The following NAALADL2 variants were observed in gnomAD, a reference collection of about 807,000 sequenced individuals.
NAALADL2 encodes the protein N-acetylated alpha-linked acidic dipeptidase like 2.
In NAALADL2, 76 loss-of-function variants were observed where a neutral mutation model predicts 87.2. The observed-to-expected ratio is 0.87, with a 90% confidence interval of 0.72 to 1.05. The LOEUF (loss-of-function observed/expected upper bound fraction) is 1.05. NAALADL2 is among the 50% of genes least tolerant of loss of function. The pLI is 0.00. For synonymous variants in NAALADL2, 354 were observed against 331.0 expected (o/e 1.07, Z -0.75); for missense variants, 1,089 against 945.8 (o/e 1.15, Z -1.99).
chr3:175,468,599 C>G (rs1347055728), intron 8 of NAALADL2, among the ~76,000 whole-genome samples: 2 of 151,798 alleles, frequency 1.3e-5, no homozygotes, highest in East Asian at 3.9e-4. Context: ...ATGTATTTTG[C>G]TATTTCAAAC....
intron 3 of NAALADL2, among the ~76,000 whole-genome samples, chr3:174,766,996 C>T (rs1474950886): frequency 6.6e-6 from 1 of 152,122 alleles, no homozygotes; most frequent in Admixed American, 6.5e-5. Flanking sequence ...AATGGCACTG[C>T]CTAGAATTGT....
chr3:175,206,978 G>A (rs567953687), intron 2 of NAALADL2, among the ~76,000 whole-genome samples: 1 of 152,208 alleles, frequency 6.6e-6, no homozygotes, highest in Non-Finnish European at 1.5e-5. Context: ...ATGTCACACT[G>A]GATGCTCACA....
At chr3:175,651,846 A>C (rs1337531766) in intron 11 of NAALADL2, among the ~76,000 whole-genome samples, 1 of 152,220 alleles carries the variant, frequency 6.6e-6, no homozygotes, top group Non-Finnish European at 1.5e-5. Context: ...TGTGCCAGTC[A>C]TTTTCTGGCC....
intron 1 of NAALADL2, among the ~76,000 whole-genome samples, chr3:174,967,782 GC>G (rs1185085702): frequency 6.6e-6 from 1 of 152,162 alleles, no homozygotes; most frequent in Non-Finnish European, 1.5e-5. Flanking sequence ...AGAAAGATAA[GC>G]AGAGAAGCCT....
At chr3:174,870,248 A>G (rs1025179266) in intron 1 of NAALADL2, among the ~76,000 whole-genome samples, 1 of 152,142 alleles carries the variant, frequency 6.6e-6, no homozygotes, top group Non-Finnish European at 1.5e-5. Flanking sequence ...CCACTGGACT[A>G]TAGCAGAACT....
chr3:175,552,081 T>C (rs1714493463), intron 9 of NAALADL2, among the ~76,000 whole-genome samples: 1 of 152,138 alleles, frequency 6.6e-6, no homozygotes. Context: ...AATATGTAAG[T>C]ATGTAAAGCC....
intron 1 of NAALADL2, among the ~76,000 whole-genome samples, chr3:174,510,948 T>C (rs1260327441): frequency 6.6e-6 from 1 of 152,050 alleles, no homozygotes; most frequent in Non-Finnish European, 1.5e-5. Context: ...ATAATTCTGT[T>C]GATCCATGTG....
intron 1 of NAALADL2, among the ~76,000 whole-genome samples, chr3:174,912,613 C>T (rs182188944): frequency 1.7e-4 from 26 of 152,248 alleles, no homozygotes; most frequent in African/African-American, 6.3e-4. Context: ...CTTTCGCAGC[C>T]TTTTTCCCCT....
chr3:174,900,692 GAAAA>G (rs567006020), intron 1 of NAALADL2, among the ~76,000 whole-genome samples: 3 of 150,234 alleles, frequency 2.0e-5, no homozygotes, highest in Admixed American at 6.6e-5. Context: ...TCAAACCTCA[GAAAA>G]AAAACATAAA....
intron 11 of NAALADL2, among the ~76,000 whole-genome samples, chr3:175,649,667 G>A (rs1014412833): frequency 1.3e-5 from 2 of 151,994 alleles, no homozygotes; most frequent in Non-Finnish European, 2.9e-5. Flanking sequence ...CAAGCTCTCT[G>A]GTATCTCTTC....
chr3:175,261,952 G>A (rs1751117312), intron 4 of NAALADL2, among the ~76,000 whole-genome samples: 1 of 152,006 alleles, frequency 6.6e-6, no homozygotes, highest in Non-Finnish European at 1.5e-5. Flanking sequence ...TGAGAGATAG[G>A]AAATGAGAAT....
At chr3:174,631,605 T>C (rs1187892653) in intron 2 of NAALADL2, among the ~76,000 whole-genome samples, 1 of 152,194 alleles carries the variant, frequency 6.6e-6, no homozygotes, top group Non-Finnish European at 1.5e-5. Flanking sequence ...ATTTTCCAAA[T>C]GGACAAGACA....
intron 2 of NAALADL2, among the ~76,000 whole-genome samples, chr3:174,627,177 G>T (rs1286430533): frequency 2.0e-5 from 3 of 152,088 alleles, no homozygotes; most frequent in Non-Finnish European, 4.4e-5. Context: ...TAATGGAGCA[G>T]TGAATAAATT....
intron 11 of NAALADL2, among the ~76,000 whole-genome samples, chr3:175,695,982 G>A (rs1737748033): frequency 1.3e-5 from 2 of 152,064 alleles, no homozygotes; most frequent in Non-Finnish European, 2.9e-5. Context: ...GAAAACAAAT[G>A]GCATTGTGCT....
chr3:175,605,564 G>A (rs370504715), intron 10 of NAALADL2, among the ~76,000 whole-genome samples: 16 of 151,090 alleles, frequency 1.1e-4, no homozygotes, highest in African/African-American at 3.9e-4. Flanking sequence ...TTCAATGTAA[G>A]CATATGTTTT....
At chr3:174,497,521 T>C (rs376770520) in intron 1 of NAALADL2, among the ~76,000 whole-genome samples, 4 of 152,290 alleles carry the variant, frequency 2.6e-5, no homozygotes, top group African/African-American at 9.6e-5. Flanking sequence ...TTGTATTTCT[T>C]GCCCCAGATT....
chr3:175,206,668 A>T (rs1333028384), intron 2 of NAALADL2, among the ~76,000 whole-genome samples: 7 of 152,090 alleles, frequency 4.6e-5, no homozygotes, highest in Non-Finnish European at 1.0e-4. Context: ...GAACTTACTC[A>T]TGTAACCAAA....
intron 9 of NAALADL2, among the ~76,000 whole-genome samples, chr3:175,479,497 T>C (rs975648420): frequency 6.6e-6 from 1 of 151,836 alleles, no homozygotes; most frequent in African/African-American, 2.4e-5. Flanking sequence ...ACAGGAATGC[T>C]GCTTTAAACA....
At chr3:174,873,008 T>C (rs760774057) in intron 1 of NAALADL2, among the ~76,000 whole-genome samples, 3 of 152,168 alleles carry the variant, frequency 2.0e-5, no homozygotes, top group East Asian at 1.9e-4. Context: ...CTAATGAATA[T>C]AATTTTCACC....
Sources: gnomAD v4.1 joint callset for allele counts (sites outside exome capture counted in the v4.1 genomes callset) on GRCh38, gnomAD v4.1.1 for gene constraint, MANE v1.5 for transcripts, NCBI Gene and HGNC (gene_info 2026-07-23, HGNC 2026-07-21) for gene names.